The following NNT variants were observed in gnomAD, a reference collection of about 807,000 sequenced individuals.
NNT encodes NAD(P) transhydrogenase, mitochondrial.
In NNT, 50 loss-of-function variants were observed where a neutral mutation model predicts 104.8. The ratio of observed to expected loss-of-function variants is 0.48; its 90% CI spans 0.38 to 0.60. The LOEUF (loss-of-function observed/expected upper bound fraction) is 0.60. Among genes scored for constraint, NNT ranks in the 20% least tolerant of loss-of-function variants. NNT has a pLI of 0.00. For synonymous variants in NNT, 461 were observed against 490.4 expected (o/e 0.94, Z 0.79); for missense variants, 1,131 against 1,330.7 (o/e 0.85, Z 2.33).
rs1458458565 is a variant in NNT, at chr5:43,656,569, G to A, written c.2294-84G>A. ...ATCCTCATAATCCTTGGTTAGAGAT[G>A]ACTGTGTAGAATTCACAGAAATGAA... On this transcript the variant is annotated intron_variant, in intron 15 of 21. Transcript: ENST00000344920. 9 of 1,249,908 alleles carry A rather than the reference G, an allele frequency of 7.2e-6. No individual in the cohort carries two copies. The African/African-American group carries it at 1.4e-4, about 19-fold the overall frequency. 77.4% of individuals were successfully genotyped at this position (1,249,908 alleles called of 1,614,324 possible). A position where few individuals can be genotyped will look rare whatever the true frequency, so the allele number is the denominator to read the frequency against.
At chr5:43,669,860 C>T (rs1740949890) in intron 17 of NNT, among the ~76,000 whole-genome samples, 1 of 152,132 alleles carries the variant, frequency 6.6e-6, no homozygotes, top group Non-Finnish European at 1.5e-5. Context: ...GGAATGGTAC[C>T]AGCTCCTTCT....
chr5:43,686,093 T>G (rs111455804), intron 19 of NNT, among the ~76,000 whole-genome samples: 2,830 of 152,274 alleles, frequency 0.019, 91 homozygotes, highest in African/African-American at 0.065. Context: ...TTGTTTCATT[T>G]GAGTAGATTA....
intron 13 of NNT, among the ~76,000 whole-genome samples, chr5:43,652,584 A>G (rs1722668115): frequency 6.6e-6 from 1 of 151,592 alleles, no homozygotes; most frequent in African/African-American, 2.4e-5. Context: ...CCTTAGTCTG[A>G]ATTCCAGATT....
At chr5:43,653,409 A>T (rs1580049928) in intron 14 of NNT, 196 bp downstream of exon 14, 4 of 551,604 alleles carry the variant, frequency 7.3e-6, no homozygotes, top group Admixed American at 3.1e-5. Flanking sequence ...GCATCAACTG[A>T]GTCAAAATAT....
At chr5:43,609,001 G>A in intron 1 of NNT, 142 bp from the exon 2 acceptor site, 1 of 432,030 alleles carries the variant, frequency 2.3e-6, no homozygotes, top group Non-Finnish European at 4.0e-6. Flanking sequence ...AAGGAACTTG[G>A]CAAATAAATT....
intron 18 of NNT, among the ~76,000 whole-genome samples, chr5:43,677,276 T>C (rs1328402303): frequency 2.0e-5 from 3 of 152,058 alleles, no homozygotes; most frequent in Middle Eastern, 3.2e-3. Flanking sequence ...TGGAAACTTA[T>C]ATAAGCGGAG....
chr5:43,653,971 T>A lies in NNT; in HGVS notation c.2059+758T>A, dbSNP rs868363699. Among the ~76,000 whole-genome samples, 120 of 149,600 alleles carry A rather than the reference T, an allele frequency of 8.0e-4. 1 individual carries two copies. The highest frequency in any genetic ancestry group is 1.9e-3 in the South Asian group (9 of 4,710). ...CTCTGTCTCAAAAAAAAAAAAAAAA[T>A]TTTTTTTCCAGGAATTTTTAAAGTT... On this transcript the variant is annotated intron_variant, in intron 14 of 21. Coordinates refer to ENST00000344920, the MANE Select transcript of NNT (RefSeq NM_182977.3).
intron 18 of NNT, among the ~76,000 whole-genome samples, chr5:43,677,399 TGAGAGA>T (rs111577191): frequency 3.7e-4 from 52 of 138,698 alleles, no homozygotes; most frequent in South Asian, 4.7e-4. Flanking sequence ...TTTAAAAACA[TGAGAGA>T]GAGAGAGAGA....
At chr5:43,672,792 C>T (rs1741192864) in intron 17 of NNT, among the ~76,000 whole-genome samples, 1 of 152,214 alleles carries the variant, frequency 6.6e-6, no homozygotes, top group Non-Finnish European at 1.5e-5. Flanking sequence ...GCTGGGAGAA[C>T]CACTACTCTC....
intron 6 of NNT, among the ~76,000 whole-genome samples, chr5:43,625,899 A>G (rs1750336922): frequency 6.6e-6 from 1 of 152,314 alleles, no homozygotes; most frequent in Non-Finnish European, 1.5e-5. Context: ...CTACACATTA[A>G]TTAAAAATGT....
intron 19 of NNT, among the ~76,000 whole-genome samples, chr5:43,689,625 C>G (rs1742161286): frequency 6.6e-6 from 1 of 152,022 alleles, no homozygotes; most frequent in Non-Finnish European, 1.5e-5. Flanking sequence ...TACAATTATC[C>G]CAGCACCATT....
At chr5:43,644,933 A>T (rs1368432034) in intron 9 of NNT, 131 bp downstream of exon 9, 1 of 640,876 alleles carries the variant, frequency 1.6e-6, no homozygotes, top group Non-Finnish European at 2.4e-6. Flanking sequence ...CTTTATGCTG[A>T]TAAAAATTAT....
At chr5:43,680,040 A>G (rs1264575805) in intron 19 of NNT, among the ~76,000 whole-genome samples, 1 of 151,976 alleles carries the variant, frequency 6.6e-6, no homozygotes, top group Non-Finnish European at 1.5e-5. Context: ...AATTTTCAAC[A>G]TGAACTTTGT....
intron 15 of NNT, among the ~76,000 whole-genome samples, chr5:43,656,323 A>G (rs1740044343): frequency 6.6e-6 from 1 of 152,226 alleles, no homozygotes; most frequent in Admixed American, 6.5e-5. Context: ...AGATTAAAAA[A>G]AATGCCTTAA....
At chr5:43,617,122 G>C (rs1749832199) in intron 4 of NNT, among the ~76,000 whole-genome samples, 1 of 152,154 alleles carries the variant, frequency 6.6e-6, no homozygotes, top group Non-Finnish European at 1.5e-5. Context: ...CTGTAAGGGA[G>C]TTATATTATG....
chr5:43,677,062 T>A (rs2112105837), intron 18 of NNT, among the ~76,000 whole-genome samples: 1 of 152,152 alleles, frequency 6.6e-6, no homozygotes, highest in East Asian at 1.9e-4. Flanking sequence ...GAAACAGTTT[T>A]TAGAGTGTGG....
chr5:43,615,799 A>G (rs1489890609), intron 3 of NNT, 49 bp from the exon 4 acceptor site: 1 of 1,376,512 alleles, frequency 7.3e-7, no homozygotes, highest in East Asian at 2.4e-5. Flanking sequence ...GCTTAAAAAT[A>G]TGATTAAAGT....
At chr5:43,675,446 C>T in intron 17 of NNT, 65 bp from the exon 18 acceptor site, 1 of 1,395,404 alleles carries the variant, frequency 7.2e-7, no homozygotes, top group Non-Finnish European at 9.8e-7. Flanking sequence ...ATATACACAA[C>T]ATTTGTACTA....
rs41271083 is a variant in NNT, at chr5:43,653,141, C to T, written c.1987C>T (p.Leu663Phe). The T allele has an allele frequency of 0.04, 64,361 of 1,614,068 alleles. 1,691 individuals carry two copies. Among genetic ancestry groups the T allele is most frequent in the East Asian group, 0.11 (5,130 of 44,866 alleles). Residue 663 changes from leucine to phenylalanine, a missense_variant, in exon 14 of 22, where the codon CTC becomes TTC. Transcript: ENST00000344920. ...GGTTGCTGGAGGACTGGCAGCCACC[C>T]TCGGAGTCCTAAAACCGGGCCCAGA... ...IGVAGGLAAT[L>F]GVLKPGPELL...
Sources: allele counts gnomAD v4.1 joint callset (sites outside exome capture counted in the v4.1 genomes callset), GRCh38; gene constraint gnomAD v4.1.1; transcripts MANE v1.5; gene names NCBI Gene and HGNC (gene_info 2026-07-23, HGNC 2026-07-21).